WDR44: variants seen among roughly 807,000 people sequenced by gnomAD.
WDR44 encodes WD repeat-containing protein 44.
In WDR44, 9 loss-of-function variants were observed where a neutral mutation model predicts 65.7. The ratio of observed to expected loss-of-function variants is 0.14; its 90% CI spans 0.08 to 0.24. The LOEUF (loss-of-function observed/expected upper bound fraction) is 0.24, where lower values mean the gene tolerates loss of function less well. Among genes scored for constraint, WDR44 ranks in the 10% least tolerant of loss-of-function variants. WDR44 has a pLI of 1.00. For synonymous variants in WDR44, 220 were observed against 235.2 expected (o/e 0.94, Z 0.59); for missense variants, 425 against 670.9 (o/e 0.63, Z 4.05).
intron 19 of WDR44, among the ~76,000 whole-genome samples, chrX:118,446,397 A>G (rs2057346778): frequency 9.0e-6 from 1 of 111,687 alleles, no homozygotes; most frequent in Non-Finnish European, 1.9e-5. Flanking sequence ...CCCGGGCAAC[A>G]TAGAAGGACA....
chrX:118,434,755 A>T (rs2057240157), intron 13 of WDR44, among the ~76,000 whole-genome samples: 1 of 111,905 alleles, frequency 8.9e-6, no homozygotes, highest in Non-Finnish European at 1.9e-5. Context: ...CCAGGGTAGG[A>T]ACCAGATATT....
intron 12 of WDR44, among the ~76,000 whole-genome samples, chrX:118,416,179 G>A (rs62608374): frequency 0.13 from 14,788 of 111,057 alleles, 1,090 homozygotes; most frequent in African/African-American, 0.28. Flanking sequence ...TTTCAATTTA[G>A]TTTAATTCTG....
intron 17 of WDR44, among the ~76,000 whole-genome samples, chrX:118,443,038 TGAACCTTTTAGGAAAGGAAG>T (rs992670762): frequency 1.8e-5 from 2 of 111,340 alleles, no homozygotes; most frequent in Non-Finnish European, 3.8e-5. Context: ...CCCATTGTCT[TGAACCTTTTAGGAAAGGAAG>T]GAACCTTTTA....
intron 12 of WDR44, among the ~76,000 whole-genome samples, chrX:118,413,762 A>G (rs755211436): frequency 8.9e-6 from 1 of 111,929 alleles, no homozygotes. Flanking sequence ...GCCTAAGCCA[A>G]TGTCTAGAAG....
chrX:118,376,236 C>T (rs1361411444), intron 1 of WDR44, among the ~76,000 whole-genome samples: 2 of 111,825 alleles, frequency 1.8e-5, no homozygotes, highest in African/African-American at 6.5e-5. Flanking sequence ...CTGCACCCAG[C>T]CCATAAATGT....
At chrX:118,366,959 G>A (rs921324615) in intron 1 of WDR44, among the ~76,000 whole-genome samples, 6 of 110,606 alleles carry the variant, frequency 5.4e-5, no homozygotes, top group African/African-American at 2.0e-4. Context: ...AGTGGCGGGC[G>A]CCCGTAGTCC....
At chrX:118,423,257 C>T (rs1473786799) in intron 12 of WDR44, among the ~76,000 whole-genome samples, 1 of 110,831 alleles carries the variant, frequency 9.0e-6, no homozygotes. Context: ...CAACCTCTGC[C>T]TCCTGGGTTC....
chrX:118,419,167 G>A (rs778134591), intron 12 of WDR44, among the ~76,000 whole-genome samples: 37 of 111,434 alleles, frequency 3.3e-4, no homozygotes, highest in Non-Finnish European at 3.8e-5. Context: ...TCTGCACACC[G>A]GATTCGTGCC....
intron 11 of WDR44, among the ~76,000 whole-genome samples, chrX:118,410,590 A>G (rs1308914269): frequency 2.7e-5 from 3 of 111,356 alleles, no homozygotes; most frequent in Non-Finnish European, 5.7e-5. Context: ...CTGCTCCTTT[A>G]TTGTTCCTCT....
chrX:118,392,166 T>G (rs1293384239), intron 3 of WDR44, among the ~76,000 whole-genome samples: 1 of 111,727 alleles, frequency 9.0e-6, no homozygotes, highest in Non-Finnish European at 1.9e-5. Flanking sequence ...ATTCTTCTCC[T>G]GGGGATTTGG....
intron 14 of WDR44, among the ~76,000 whole-genome samples, chrX:118,439,536 A>G (rs969874962): frequency 9.1e-6 from 1 of 110,444 alleles, no homozygotes; most frequent in Non-Finnish European, 1.9e-5. Flanking sequence ...AGATTGTACC[A>G]CTGTACCCCA....
intron 2 of WDR44, among the ~76,000 whole-genome samples, chrX:118,380,370 C>T (rs958780334): frequency 9.0e-6 from 1 of 111,433 alleles, no homozygotes; most frequent in Non-Finnish European, 1.9e-5. Context: ...GTTGTGCTAC[C>T]CCTTTATAAT....
intron 13 of WDR44, among the ~76,000 whole-genome samples, chrX:118,436,159 C>T (rs12842581): frequency 0.12 from 12,863 of 111,794 alleles, 677 homozygotes; most frequent in Admixed American, 0.25. Flanking sequence ...GTGATCTATT[C>T]TGAAAGATTT....
At chrX:118,355,990 C>T (rs2056455101) in intron 1 of WDR44, among the ~76,000 whole-genome samples, 1 of 111,958 alleles carries the variant, frequency 8.9e-6, no homozygotes, top group African/African-American at 3.2e-5. Flanking sequence ...GCATTCCTAT[C>T]AGTTCCTTGT....
chrX:118,403,934 T>G (rs1177034750), intron 8 of WDR44, among the ~76,000 whole-genome samples: 1 of 112,017 alleles, frequency 8.9e-6, no homozygotes, highest in African/African-American at 3.2e-5. Context: ...ATTGGTAAAA[T>G]GTGTTTTTAA....
At chrX:118,361,014 G>T (rs1164136761) in intron 1 of WDR44, among the ~76,000 whole-genome samples, 1 of 110,054 alleles carries the variant, frequency 9.1e-6, no homozygotes, top group Non-Finnish European at 1.9e-5. Flanking sequence ...TTTCCTCAGG[G>T]CCTGAAAAAA....
chrX:118,430,073 C>T (rs1300922731), intron 12 of WDR44, among the ~76,000 whole-genome samples: 1 of 111,521 alleles, frequency 9.0e-6, no homozygotes, highest in Non-Finnish European at 1.9e-5. Flanking sequence ...AGAAAATGCT[C>T]ATGGTATAAT....
chrX:118,363,366 A>G (rs1252718803), intron 1 of WDR44, among the ~76,000 whole-genome samples: 1 of 100,473 alleles, frequency 1.0e-5, no homozygotes, highest in East Asian at 3.0e-4. Context: ...GTGCCGTTGT[A>G]CTCCAGCCTG....
At chrX:118,366,437 T>G (rs2056553215) in intron 1 of WDR44, among the ~76,000 whole-genome samples, 1 of 111,665 alleles carries the variant, frequency 9.0e-6, no homozygotes, top group African/African-American at 3.3e-5. Flanking sequence ...TTCTGACATG[T>G]CACCATGAAG....
Sources: allele counts gnomAD v4.1 joint callset (sites outside exome capture counted in the v4.1 genomes callset), GRCh38; gene constraint gnomAD v4.1.1; transcripts MANE v1.5; gene names NCBI Gene and HGNC (gene_info 2026-07-23, HGNC 2026-07-21).